The following SMPDL3A variants were observed in gnomAD, a reference collection of about 807,000 sequenced individuals.
SMPDL3A encodes the protein cyclic GMP-AMP phosphodiesterase SMPDL3A.
A neutral mutation model predicts 38.5 loss-of-function variants in SMPDL3A; 39 were observed. The observed-to-expected ratio is 1.01, with a 90% CI of 0.78 to 1.32. SMPDL3A has a LOEUF of 1.32. Among genes scored for constraint, SMPDL3A ranks in the 40% most tolerant of loss-of-function variants. The probability of loss-of-function intolerance (pLI) is 0.00; values close to 1 mark genes in which losing one functional copy is unlikely to be tolerated. For synonymous variants in SMPDL3A, 180 were observed against 194.3 expected, an observed-to-expected ratio of 0.93 and a Z score of 0.61; for missense variants, 502 against 536.2, an observed-to-expected ratio of 0.94 and a Z score of 0.63.
At chr6:122,799,643 G>A (rs913333569) in intron 3 of SMPDL3A, among the ~76,000 whole-genome samples, 3 of 152,104 alleles carry the variant, frequency 2.0e-5, no homozygotes, top group Non-Finnish European at 4.4e-5. Context: ...TCAGACAGGC[G>A]ACCCTGATCT....
At chr6:122,808,966 T>G in intron 7 of SMPDL3A, 125 bp from the exon 8 acceptor site, 1 of 752,126 alleles carries the variant, frequency 1.3e-6, no homozygotes. Context: ...AGTGCTAGGA[T>G]TACAGGCGTG....
intron 1 of SMPDL3A, 38 bp downstream of exon 1, chr6:122,789,496 AG>A (rs1322942103): frequency 1.3e-6 from 2 of 1,506,840 alleles, no homozygotes; most frequent in African/African-American, 2.8e-5. Context: ...CAGCCGGCAA[AG>A]AGCGCGGAGC....
chr6:122,794,011 A>G (rs1216948668), intron 1 of SMPDL3A, among the ~76,000 whole-genome samples: 1 of 151,900 alleles, frequency 6.6e-6, no homozygotes, highest in Non-Finnish European at 1.5e-5. Flanking sequence ...AACATGGTTT[A>G]TAAGGATCAT....
intron 7 of SMPDL3A, among the ~76,000 whole-genome samples, chr6:122,806,666 T>C (rs528325822): frequency 1.3e-5 from 2 of 152,340 alleles, no homozygotes; most frequent in South Asian, 4.1e-4. Context: ...TAAGCCATGT[T>C]CATTCTTCTT....
chr6:122,799,030 C>T (rs1024537857), intron 3 of SMPDL3A, among the ~76,000 whole-genome samples: 3 of 152,294 alleles, frequency 2.0e-5, no homozygotes, highest in African/African-American at 7.2e-5. Flanking sequence ...AGATCTAACT[C>T]TGGAGAATGT....
intron 1 of SMPDL3A, among the ~76,000 whole-genome samples, chr6:122,793,897 G>A (rs980686573): frequency 1.3e-5 from 2 of 152,158 alleles, no homozygotes; most frequent in African/African-American, 2.4e-5. Context: ...TGCTTCTGGT[G>A]TAGTACATGC....
intron 7 of SMPDL3A, among the ~76,000 whole-genome samples, chr6:122,807,787 G>A (rs1781682664): frequency 6.6e-6 from 1 of 152,042 alleles, no homozygotes; most frequent in African/African-American, 2.4e-5. Flanking sequence ...TATGGTGGCA[G>A]AAATCTGGTT....
intron 1 of SMPDL3A, among the ~76,000 whole-genome samples, chr6:122,791,496 C>T (rs944414785): frequency 1.3e-5 from 2 of 152,136 alleles, no homozygotes; most frequent in Admixed American, 6.6e-5. Flanking sequence ...CATTCATATA[C>T]TGCTGAGTGT....
intron 3 of SMPDL3A, among the ~76,000 whole-genome samples, chr6:122,799,230 G>A (rs1562351024): frequency 6.6e-6 from 1 of 152,154 alleles, no homozygotes; most frequent in Non-Finnish European, 1.5e-5. Flanking sequence ...CTCCTACACT[G>A]GCAAGACTGG....
At chr6:122,798,507 A>G (rs1320781203) in intron 3 of SMPDL3A, among the ~76,000 whole-genome samples, 5 of 152,110 alleles carry the variant, frequency 3.3e-5, no homozygotes, top group African/African-American at 9.7e-5. Flanking sequence ...AGCTTGGCCA[A>G]CTCGGGTGAT....
At chr6:122,799,798 CT>C (rs1168052669) in intron 3 of SMPDL3A, among the ~76,000 whole-genome samples, 1 of 152,118 alleles carries the variant, frequency 6.6e-6, no homozygotes, top group Non-Finnish European at 1.5e-5. Flanking sequence ...TGAAAAATAA[CT>C]TTTGATAAAC....
intron 1 of SMPDL3A, among the ~76,000 whole-genome samples, chr6:122,795,435 G>A (rs1781212988): frequency 2.0e-5 from 3 of 151,906 alleles, no homozygotes; most frequent in Admixed American, 2.0e-4. Context: ...GAGCCACCGC[G>A]CCCGGCCTGA....
intron 2 of SMPDL3A, 57 bp downstream of exon 2, chr6:122,795,947 C>T (rs1038591685): frequency 2.1e-5 from 27 of 1,289,084 alleles, no homozygotes; most frequent in Non-Finnish European, 2.9e-5. Context: ...GTGTCCTAAG[C>T]TTCATAAGAG....
intron 4 of SMPDL3A, among the ~76,000 whole-genome samples, chr6:122,802,195 C>CTTTTT (rs3031702): frequency 4.0e-5 from 5 of 123,560 alleles, no homozygotes; most frequent in Non-Finnish European, 6.9e-5. Context: ...TATATCTAGT[C>CTTTTT]TTTTTTTTTT....
chr6:122,794,401 T>C (rs760518439), intron 1 of SMPDL3A, among the ~76,000 whole-genome samples: 5 of 151,890 alleles, frequency 3.3e-5, no homozygotes, highest in Non-Finnish European at 4.4e-5. Flanking sequence ...ATCGAGACCA[T>C]CCTGGCTAAC....
At chr6:122,808,609 C>CCTCCCTCCCTTCCTTCCTT (rs1562357722) in intron 7 of SMPDL3A, among the ~76,000 whole-genome samples, 1 of 44,308 alleles carries the variant, frequency 2.3e-5, no homozygotes, top group Non-Finnish European at 4.4e-5. Flanking sequence ...CTCCCTCCCT[C>CCTCCCTCCCTTCCTTCCTT]CCTTCCTTCC....
intron 1 of SMPDL3A, among the ~76,000 whole-genome samples, chr6:122,790,850 T>TG (rs1250258214): frequency 2.6e-5 from 4 of 152,168 alleles, no homozygotes; most frequent in Non-Finnish European, 5.9e-5. Flanking sequence ...GAGCGCTTTC[T>TG]GGGGACTCTG....
intron 5 of SMPDL3A, among the ~76,000 whole-genome samples, chr6:122,804,452 C>T (rs948572650): frequency 5.9e-5 from 9 of 151,882 alleles, no homozygotes; most frequent in Non-Finnish European, 1.0e-4. Flanking sequence ...TACAGGTGTG[C>T]GCCACCACTC....
rs999822228 is a variant in SMPDL3A, at chr6:122,797,085, A to G, written c.471+117A>G. 3 of 787,156 alleles carry G rather than the reference A, an allele frequency of 3.8e-6. No homozygotes were observed. In the Admixed American group the frequency reaches 7.4e-5, roughly 19 times the overall value. The allele number at this position is 787,156 out of a possible 1,614,324, so 48.8% of individuals were successfully genotyped here. On this transcript the variant is annotated intron_variant, in intron 3 of 7. Transcript: ENST00000368440. ...GGAATGGGTCTTATAGAGGGAGAATATGGTCTTAATCCTAACCATCAAGAA... is the reference window on the plus strand; with the variant it reads ...GGAATGGGTCTTATAGAGGGAGAATGTGGTCTTAATCCTAACCATCAAGAA...
Sources: gnomAD v4.1 joint callset for allele counts (sites outside exome capture counted in the v4.1 genomes callset) on GRCh38, gnomAD v4.1.1 for gene constraint, MANE v1.5 for transcripts, NCBI Gene and HGNC (gene_info 2026-07-23, HGNC 2026-07-21) for gene names.